The following LRRC41 variants were observed in gnomAD, a reference collection of about 807,000 sequenced individuals.
LRRC41 encodes the protein leucine-rich repeat-containing protein 41.
A neutral mutation model predicts 72.1 loss-of-function variants in LRRC41; 17 were observed. That is an observed-to-expected ratio of 0.24 (90% confidence interval 0.16 to 0.35). The LOEUF is 0.35. Ranked by LOEUF, LRRC41 falls within the 10% of genes least tolerant of loss-of-function variation. The probability of loss-of-function intolerance (pLI) is 1.00; values close to 1 mark genes in which losing one functional copy is unlikely to be tolerated. For synonymous variants in LRRC41, 427 were observed against 431.0 expected, an observed-to-expected ratio of 0.99 and a Z score of 0.11; for missense variants, 759 against 1,065.0, an observed-to-expected ratio of 0.71 and a Z score of 4.00.
chr1:46,287,786 T>C (rs1569647043), intron 3 of LRRC41, among the ~76,000 whole-genome samples: 1 of 152,230 alleles, frequency 6.6e-6, no homozygotes. Context: ...AAGAGGCTGG[T>C]ATGTTGTCTC....
rs754721822 is a variant in LRRC41 at position 46,279,337 on chromosome 1, G to C, written c.2144-80C>G. 1.9e-6 allele frequency: 3 copies of C among 1,571,814 alleles called. No homozygotes were observed. The African/African-American group carries it at 4.0e-5, about 21-fold the overall frequency. ...TATCCCAACCCAACTATGGCTGGCA[G>C]AACCAGCCCTGCTGGTTCCTGAAGC... On this transcript the variant is annotated intron_variant, in intron 8 of 9. Coordinates refer to ENST00000617190, the MANE Select transcript of LRRC41 (RefSeq NM_006369.5). This position sits in a 1 kb window ranked among gnomAD's most constrained non-coding sequence, Gnocchi z 4.5.
In LRRC41 at chr1:46,278,411, C is replaced by G. The variant is rs1317477104; in HGVS notation, c.*454G>C. 9.1e-7 allele frequency: 1 copy of G among 1,097,754 alleles called. No individual in the cohort carries two copies. Among genetic ancestry groups the G allele is most frequent in the Non-Finnish European group, 1.3e-6 (1 of 755,876 alleles). The allele number at this position is 1,097,754 out of a possible 1,614,324, so 68.0% of individuals were successfully genotyped here. On this transcript the variant is annotated 3_prime_UTR_variant, in exon 10 of 10. Transcript: ENST00000617190. ...CAAGAAGGGCTGCATGATGTTTGCCCAAAATTTATTTTATAAGAAAAACTT... is the reference window on the plus strand; with the variant it reads ...CAAGAAGGGCTGCATGATGTTTGCCGAAAATTTATTTTATAAGAAAAACTT...
chr1:46,287,314 TAGCC>T (rs1316926226), intron 3 of LRRC41, among the ~76,000 whole-genome samples: 4 of 151,600 alleles, frequency 2.6e-5, no homozygotes, highest in African/African-American at 9.7e-5. Flanking sequence ...TTCACCCTGT[TAGCC>T]AGGATGGTCT....
chr1:46,283,898 T>C (rs1396071715), intron 4 of LRRC41, among the ~76,000 whole-genome samples: 1 of 152,078 alleles, frequency 6.6e-6, no homozygotes, highest in East Asian at 1.9e-4. Flanking sequence ...ACTCCTGACC[T>C]CGTGATCCAC....
chr1:46,282,963 G>A (rs892243245), intron 4 of LRRC41, among the ~76,000 whole-genome samples: 1 of 151,080 alleles, frequency 6.6e-6, no homozygotes, highest in Non-Finnish European at 1.5e-5. Context: ...GGCGGAGGTT[G>A]CAGTAAGCCA....
intron 3 of LRRC41, among the ~76,000 whole-genome samples, chr1:46,287,449 C>T (rs1377009420): frequency 1.3e-5 from 2 of 152,134 alleles, no homozygotes; most frequent in East Asian, 1.9e-4. Context: ...CTTATCACCT[C>T]ACACCTGACC....
chr1:46,289,181 A>C (rs1660948699), intron 3 of LRRC41, among the ~76,000 whole-genome samples: 1 of 152,226 alleles, frequency 6.6e-6, no homozygotes, highest in African/African-American at 2.4e-5. Flanking sequence ...CCCCAGACAC[A>C]ACTGCAGTGA....
intron 3 of LRRC41, among the ~76,000 whole-genome samples, chr1:46,294,732 C>T (rs573655852): frequency 9.9e-5 from 15 of 151,056 alleles, no homozygotes; most frequent in South Asian, 4.2e-4. Context: ...GTAGCTGGAA[C>T]TAAAGGCACG....
At chr1:46,298,437 A>G in intron 1 of LRRC41, 67 bp from the exon 2 acceptor site, 1 of 956,822 alleles carries the variant, frequency 1.0e-6, no homozygotes, top group Non-Finnish European at 1.6e-6. Flanking sequence ...GTTTCCAAGC[A>G]TTATTTATTC....
intron 3 of LRRC41, among the ~76,000 whole-genome samples, chr1:46,287,118 AT>A (rs914353653): frequency 1.9e-4 from 27 of 141,854 alleles, no homozygotes; most frequent in Middle Eastern, 9.7e-3. Context: ...TCCCAACTTC[AT>A]TTTTTTTTAG....
rs772095603 is a variant in LRRC41 at position 46,286,155 on chromosome 1, G to A, written c.702C>T (p.Ser234=). The A allele has an allele frequency of 3.7e-6, 6 of 1,614,262 alleles. No individual in the cohort carries two copies. The highest frequency in any genetic ancestry group is 5.1e-6 in the Non-Finnish European group (6 of 1,180,032). ...AAAGGGCTGACTCAGGCACAGGCCAGGAGTATAGCGACACTTGACTGACAG... is the reference window on the plus strand; with the variant it reads ...AAAGGGCTGACTCAGGCACAGGCCAAGAGTATAGCGACACTTGACTGACAG... ...HGAVSQVSLY[S]WPVPESALFI... is the part of the protein sequence containing the mutation. Residue 234 remains serine (S), a synonymous_variant, in exon 4 of 10, where the codon TCC becomes TCT. Coordinates refer to ENST00000617190, the MANE Select transcript of LRRC41 (RefSeq NM_006369.5). The surrounding 1 kb of genome is among the most constrained non-coding windows in gnomAD (Gnocchi z 5.5).
intron 1 of LRRC41, chr1:46,298,888 T>C (rs1315670444): frequency 6.6e-6 from 1 of 152,632 alleles, no homozygotes; most frequent in African/African-American, 2.4e-5. Context: ...GCTGTTCTAA[T>C]AGGAATGTCG....
intron 3 of LRRC41, 174 bp downstream of exon 3, chr1:46,297,389 T>C: frequency 1.9e-6 from 1 of 531,964 alleles, no homozygotes; most frequent in East Asian, 3.1e-5. Context: ...AGCAAGCAAT[T>C]CAGTGACAAA....
chr1:46,277,901 G>A lies in LRRC41; in HGVS notation c.*964C>T, dbSNP rs781274222. ...CTGTGTGGTGGATGAGGAGCAGGAT[G>A]TAGAGCGCCACTTCTCTCTGGGCGA... On this transcript the variant is annotated 3_prime_UTR_variant, in exon 10 of 10. Coordinates refer to ENST00000617190, the MANE Select transcript of LRRC41 (RefSeq NM_006369.5). 10 of 1,614,002 alleles carry A rather than the reference G, an allele frequency of 6.2e-6. No homozygotes were observed. The South Asian group carries it at 7.7e-5, about 12-fold the overall frequency.
Position 46,280,462 on chromosome 1 carries a change from G to A in LRRC41, c.1855C>T (p.Leu619=), listed in dbSNP as rs375799380. The change falls in exon 6 of 10, where the codon CTG becomes TTG. Residue 619 remains leucine, a synonymous_variant. Transcript: ENST00000617190. ...GCAAAGGTGGCACTATCCAGGGACA[G>A]CTGCTGCAGAGAACCCGAGGCCTTC... is the stretch of plus-strand genomic sequence containing the variant. ...VLKASGSLQQ[L]SLDSATFASP... is the part of the protein sequence containing the mutation. The A allele has an allele frequency of 4.3e-5, 69 of 1,614,122 alleles. No individual in the cohort carries two copies. Among genetic ancestry groups the A allele is most frequent in the Non-Finnish European group, 5.5e-5 (65 of 1,180,046 alleles).
chr1:46,285,489 T>A lies in LRRC41; in HGVS notation c.1368A>T (p.Ser456=), dbSNP rs760156816. The A allele has an allele frequency of 6.2e-7, 1 of 1,614,150 alleles. No individual in the cohort carries two copies. Among genetic ancestry groups the A allele is most frequent in the Non-Finnish European group, 8.5e-7 (1 of 1,180,032 alleles). Residue 456 remains serine (S), a synonymous_variant, in exon 4 of 10, where the codon TCA becomes TCT. Transcript: ENST00000617190. This position sits in a 1 kb window ranked among gnomAD's most constrained non-coding sequence, Gnocchi z 5.3. ...SCLGLPALEA[S]QRFRSISTLE... is the part of the protein sequence containing the mutation. ...AGGTGGAGATGCTGCGGAATCTTTG[T>A]GAAGCTTCCAGTGCTGGAAGCCCCA...
chr1:46,281,806 C>T (rs184442626), intron 4 of LRRC41, among the ~76,000 whole-genome samples: 60 of 152,286 alleles, frequency 3.9e-4, no homozygotes, highest in African/African-American at 1.1e-3. Flanking sequence ...TAGCCGGGAG[C>T]GGTGGCTCAC....
intron 1 of LRRC41, 92 bp downstream of exon 1, chr1:46,303,032 C>T (rs936618273): frequency 1.1e-5 from 15 of 1,338,010 alleles, no homozygotes; most frequent in Non-Finnish European, 1.4e-5. Flanking sequence ...CTGGGCCTTG[C>T]CCCGGGCCTC....
intron 3 of LRRC41, 24 bp downstream of exon 3, chr1:46,297,539 A>G (rs765197989): frequency 1.8e-5 from 29 of 1,597,650 alleles, no homozygotes; most frequent in Admixed American, 3.3e-5. Flanking sequence ...TCAGGCTAGC[A>G]TTCTACCTGA....
Sources: allele counts gnomAD v4.1 joint callset (sites outside exome capture counted in the v4.1 genomes callset), GRCh38; gene constraint gnomAD v4.1.1; non-coding constraint Gnocchi (gnomAD v3.1); transcripts MANE v1.5; gene names NCBI Gene and HGNC (gene_info 2026-07-23, HGNC 2026-07-21).